Variants in MAGI1 observed in about 807,000 individuals in gnomAD.
MAGI1 encodes the protein membrane-associated guanylate kinase, WW and PDZ domain-containing protein 1.
In MAGI1, 58 loss-of-function variants were observed where a neutral mutation model predicts 139.9. That is an observed-to-expected ratio of 0.41 (90% CI 0.34 to 0.52). MAGI1 has a LOEUF of 0.52. Among genes scored for constraint, MAGI1 ranks in the 20% least tolerant of loss-of-function variants. MAGI1 has a pLI of 0.12. For synonymous variants in MAGI1, 812 were observed against 737.9 expected, an observed-to-expected ratio of 1.10 and a Z score of -1.63; for missense variants, 1,874 against 1,901.6, an observed-to-expected ratio of 0.99 and a Z score of 0.27.
chr3:65,424,132 T>G (rs999980510), intron 12 of MAGI1, among the ~76,000 whole-genome samples: 2 of 152,198 alleles, frequency 1.3e-5, no homozygotes, highest in Admixed American at 1.3e-4. Flanking sequence ...AATGTATGTA[T>G]GTGTATTGCA....
chr3:65,849,001 CTTTTTTTTTTTTTTTTTTTTTTTTT>C (rs558270441), intron 1 of MAGI1, among the ~76,000 whole-genome samples: 5 of 39,644 alleles, frequency 1.3e-4, no homozygotes, highest in South Asian at 1.3e-3. Context: ...TCAGAGCATT[CTTTTTTTTTTTTTTTTTTTTTTTTT>C]TTTTTTTTTT....
chr3:65,442,608 A>G (rs910744846), intron 8 of MAGI1, among the ~76,000 whole-genome samples, 184 bp downstream of exon 8: 1 of 152,104 alleles, frequency 6.6e-6, no homozygotes, highest in Non-Finnish European at 1.5e-5. Flanking sequence ...TAATAATATG[A>G]TTTGCTATTT....
At chr3:65,795,744 T>C (rs570158743) in intron 1 of MAGI1, among the ~76,000 whole-genome samples, 3 of 97,882 alleles carry the variant, frequency 3.1e-5, no homozygotes, top group East Asian at 4.6e-4. Context: ...GAGAGAGAGA[T>C]AGAGATTTAA....
chr3:65,475,828 C>A (rs1294325966), intron 4 of MAGI1, among the ~76,000 whole-genome samples: 6 of 151,988 alleles, frequency 3.9e-5, no homozygotes, highest in Non-Finnish European at 8.8e-5. Flanking sequence ...GCTCCTTGAT[C>A]TTTTGTCTGC....
At chr3:65,806,322 G>A (rs374803181) in intron 1 of MAGI1, among the ~76,000 whole-genome samples, 62 of 151,988 alleles carry the variant, frequency 4.1e-4, no homozygotes, top group Middle Eastern at 3.4e-3. Flanking sequence ...CCAGCTACTC[G>A]GGAGGCTGAG....
intron 1 of MAGI1, among the ~76,000 whole-genome samples, chr3:65,816,405 G>A (rs1444916314): frequency 6.6e-6 from 1 of 152,104 alleles, no homozygotes; most frequent in African/African-American, 2.4e-5. Context: ...TCATTTCAAT[G>A]AATTTATATT....
At chr3:65,640,661 G>GT in intron 1 of MAGI1, among the ~76,000 whole-genome samples, 1 of 152,282 alleles carries the variant, frequency 6.6e-6, no homozygotes, top group South Asian at 2.1e-4. Flanking sequence ...CAACATTGTT[G>GT]TATGTTTATT....
chr3:66,015,152 AG>A (rs1461430929), intron 1 of MAGI1, among the ~76,000 whole-genome samples: 1 of 146,312 alleles, frequency 6.8e-6, no homozygotes, highest in African/African-American at 2.5e-5. Flanking sequence ...AGACCAGCCT[AG>A]GCAATACAGT....
intron 1 of MAGI1, among the ~76,000 whole-genome samples, chr3:65,798,875 G>A (rs533068505): frequency 6.6e-5 from 10 of 152,204 alleles, no homozygotes; most frequent in Admixed American, 1.3e-4. Context: ...AAGGGGAACC[G>A]GCCTTTAGGA....
chr3:65,456,370 TG>T (rs1949386339), intron 5 of MAGI1, among the ~76,000 whole-genome samples: 1 of 152,094 alleles, frequency 6.6e-6, no homozygotes, highest in Non-Finnish European at 1.5e-5. Flanking sequence ...TCTCAATGAA[TG>T]GTTTGATATT....
intron 1 of MAGI1, among the ~76,000 whole-genome samples, chr3:65,928,886 T>C (rs1016583533): frequency 2.0e-5 from 3 of 152,120 alleles, no homozygotes; most frequent in Non-Finnish European, 4.4e-5. Context: ...CGAAGATGAC[T>C]GAAACAGTTT....
chr3:65,383,500 A>G (rs762133461), intron 15 of MAGI1, 32 bp downstream of exon 15: 2 of 1,538,868 alleles, frequency 1.3e-6, no homozygotes, highest in Admixed American at 3.4e-5. Flanking sequence ...TTAGAAAAAT[A>G]TGCTGGGAAG....
At chr3:65,821,375 A>G (rs186383716) in intron 1 of MAGI1, among the ~76,000 whole-genome samples, 4 of 152,178 alleles carry the variant, frequency 2.6e-5, no homozygotes, top group Admixed American at 1.3e-4. Flanking sequence ...CCTCCCCATG[A>G]CTACAAGCTC....
chr3:65,458,378 G>A (rs1949543360), intron 5 of MAGI1, among the ~76,000 whole-genome samples: 1 of 149,958 alleles, frequency 6.7e-6, no homozygotes, highest in South Asian at 2.1e-4. Flanking sequence ...TTTTTTTGGA[G>A]GAACCCCCAA....
chr3:65,972,166 G>A (rs1257369248), intron 1 of MAGI1, among the ~76,000 whole-genome samples: 1 of 152,162 alleles, frequency 6.6e-6, no homozygotes, highest in African/African-American at 2.4e-5. Context: ...AACTGACAGG[G>A]ACAGAAGACA....
intron 1 of MAGI1, among the ~76,000 whole-genome samples, chr3:65,926,335 C>CTCTCTCTT (rs1378345459): frequency 6.8e-6 from 1 of 147,670 alleles, no homozygotes; most frequent in Admixed American, 6.8e-5. Flanking sequence ...TTTTCTCTCT[C>CTCTCTCTT]TCTCTCTCTC....
At chr3:65,884,280 T>G (rs1415635216) in intron 1 of MAGI1, among the ~76,000 whole-genome samples, 2 of 152,220 alleles carry the variant, frequency 1.3e-5, no homozygotes, top group East Asian at 3.8e-4. Context: ...AGTGACACTG[T>G]GCATATAGCA....
chr3:65,949,630 G>C (rs2063701342), intron 1 of MAGI1, among the ~76,000 whole-genome samples: 1 of 152,168 alleles, frequency 6.6e-6, no homozygotes, highest in Non-Finnish European at 1.5e-5. Flanking sequence ...TCTCTCCAAA[G>C]TGCTAAGATA....
At chr3:65,389,034 G>T (rs972834807) in intron 14 of MAGI1, among the ~76,000 whole-genome samples, 1 of 151,268 alleles carries the variant, frequency 6.6e-6, no homozygotes, top group East Asian at 1.9e-4. Flanking sequence ...TAGCAGAGAC[G>T]GGGTTTCACC....
Sources: allele counts gnomAD v4.1 joint callset (sites outside exome capture counted in the v4.1 genomes callset), GRCh38; gene constraint gnomAD v4.1.1; transcripts MANE v1.5; gene names NCBI Gene and HGNC (gene_info 2026-07-23, HGNC 2026-07-21).